OR1L6: variants seen among roughly 807,000 people sequenced by gnomAD.
The protein encoded by OR1L6 is olfactory receptor 1L6.
OR1L6 carries 2 observed loss-of-function variants against 3.0 expected under a neutral mutation model. The ratio of observed to expected loss-of-function variants is 0.68; its 90% confidence interval spans 0.28 to 2.13. The LOEUF (loss-of-function observed/expected upper bound fraction) is 2.13. OR1L6 is among the 30% of genes most tolerant of loss of function. The pLI, the probability that OR1L6 is intolerant of heterozygous loss-of-function variation, is 0.14. For missense variants in OR1L6, 304 were observed against 378.4 expected, an observed-to-expected ratio of 0.80 and a Z score of 1.63; for synonymous variants, 121 against 148.4, an observed-to-expected ratio of 0.82 and a Z score of 1.34.
chr9:122,742,500 T>C (rs563251167), intron 1 of OR1L6, 127 bp downstream of exon 1: 1 of 152,360 alleles, frequency 6.6e-6, no homozygotes, highest in East Asian at 1.9e-4. Context: ...AGTCTTTCTC[T>C]ATATTTTTTC....
chr9:122,748,117 G>A (rs1208925092), intron 1 of OR1L6, among the ~76,000 whole-genome samples: 1 of 152,054 alleles, frequency 6.6e-6, no homozygotes, highest in Admixed American at 6.6e-5. Flanking sequence ...TGGACCAAAC[G>A]CTTAAAATTA....
At chr9:122,744,106 G>A (rs1467604077) in intron 1 of OR1L6, among the ~76,000 whole-genome samples, 1 of 152,186 alleles carries the variant, frequency 6.6e-6, no homozygotes, top group Non-Finnish European at 1.5e-5. Flanking sequence ...TACTTCAAAC[G>A]TAGTGTAATT....
rs186127065 is a variant in OR1L6 at position 122,745,602 on chromosome 9, C to T, written c.-14+3229C>T. ...TAAGTTTTTGTATTTTTAGTAGAGA[C>T]GGGGTTTCACCGTGTTAGCCAGGAT... On this transcript the variant is annotated intron_variant, in intron 1 of 1. Coordinates refer to ENST00000304720, the MANE Select transcript of OR1L6 (RefSeq NM_001004453.3). 1.1e-3 allele frequency among the ~76,000 whole-genome samples: 167 copies of T among 151,616 alleles called. 1 individual carries two copies. Among genetic ancestry groups the T allele is most frequent in the African/African-American group, 3.9e-3 (162 of 41,374 alleles).
intron 1 of OR1L6, chr9:122,749,589 TC>T: frequency 1.9e-6 from 1 of 516,440 alleles, no homozygotes; most frequent in South Asian, 2.3e-5. Context: ...ATGCCTGTAG[TC>T]CCAGCTACTC....
At chr9:122,743,037 C>T (rs950138909) in intron 1 of OR1L6, among the ~76,000 whole-genome samples, 4 of 152,186 alleles carry the variant, frequency 2.6e-5, no homozygotes, top group African/African-American at 9.7e-5. Context: ...AACCTCATGA[C>T]ATCTGAGCAA....
At chr9:122,745,871 CTTT>C (rs1828831756) in intron 1 of OR1L6, among the ~76,000 whole-genome samples, 1 of 151,910 alleles carries the variant, frequency 6.6e-6, no homozygotes, top group Admixed American at 6.6e-5. Context: ...TGAGATTATT[CTTT>C]TTTTATTATT....
At chr9:122,743,879 T>C (rs916929725) in intron 1 of OR1L6, among the ~76,000 whole-genome samples, 4 of 152,164 alleles carry the variant, frequency 2.6e-5, no homozygotes, top group Non-Finnish European at 4.4e-5. Context: ...GCAAGGAGGC[T>C]GAAGGCACTT....
At chr9:122,744,073 C>T (rs6478571) in intron 1 of OR1L6, among the ~76,000 whole-genome samples, 147,303 of 152,310 alleles carry the variant, frequency 0.97, 71,463 homozygotes, top group East Asian at 1. Context: ...CAGTCTCCTT[C>T]GTTGTAAAGG....
In OR1L6 at chr9:122,749,929, C is replaced by G; in HGVS notation, c.82C>G (p.Leu28Val). The part of the protein sequence containing the change: ...LSSNPQLQKP[L>V]FAIFLIMYLL... ...TTCCAACCCTCAGCTGCAGAAACCT[C>G]TCTTTGCCATCTTCCTCATCATGTA... Residue 28 changes from leucine to valine, a missense_variant, in exon 2 of 2, where the codon CTC becomes GTC. Leu to Val is a conservative substitution (Grantham distance 32, BLOSUM62 1). This residue lies in a region of OR1L6 where 192 missense variants were observed against 242.7 expected (regional missense o/e 0.79). Transcript: ENST00000304720. 6.2e-7 allele frequency: 1 copy of G among 1,614,176 alleles called. No homozygotes were observed.
intron 1 of OR1L6, among the ~76,000 whole-genome samples, chr9:122,747,352 T>C (rs1219476320): frequency 3.3e-5 from 5 of 152,096 alleles, no homozygotes; most frequent in Admixed American, 3.3e-4. Context: ...TATTATGTAA[T>C]TTGATTGGGG....
chr9:122,747,524 A>G (rs1244838931), intron 1 of OR1L6, among the ~76,000 whole-genome samples: 2 of 152,072 alleles, frequency 1.3e-5, no homozygotes, highest in African/African-American at 4.8e-5. Context: ...TAATTTGAGA[A>G]GAATTAACAT....
chr9:122,750,732 C>T lies in OR1L6; in HGVS notation c.885C>T (p.Asn295=), dbSNP rs758814248. The T allele has an allele frequency of 6.2e-7, 1 of 1,612,236 alleles. No homozygotes were observed. The highest frequency in any genetic ancestry group is 8.5e-7 in the Non-Finnish European group (1 of 1,179,824). Residue 295 remains asparagine (N), a synonymous_variant, in exon 2 of 2, where the codon AAC becomes AAT. Transcript: ENST00000304720. ...ACCCTTTCATCTACAGCCTGAGGAA[C>T]AAAGATATGAAGAGGGGTTTGAAGA... ...MLNPFIYSLR[N]KDMKRGLKKL... is the part of the protein sequence containing the mutation.
chr9:122,742,519 C>T (rs1475179208), intron 1 of OR1L6, 146 bp downstream of exon 1: 8 of 152,186 alleles, frequency 5.3e-5, no homozygotes, highest in African/African-American at 1.9e-4. Context: ...TCCTCTCTCT[C>T]TTTTTGGTCA....
In OR1L6 at chr9:122,748,751, T is replaced by C. The variant is rs140117071; in HGVS notation, c.-13-1084T>C. On this transcript the variant is annotated intron_variant, in intron 1 of 1. Coordinates refer to ENST00000304720, the MANE Select transcript of OR1L6 (RefSeq NM_001004453.3). ...ACTCACAATGATCCTATGTATATAT[T>C]TGTGGCACCCACTTATGAGTGAGAA... Among the ~76,000 whole-genome samples the C allele has an allele frequency of 3.4e-4, 52 of 152,312 alleles. No individual in the cohort carries two copies. In the Middle Eastern group the frequency reaches 0.014, roughly 40 times the overall value.
At chr9:122,746,490 CTG>C (rs1245307322) in intron 1 of OR1L6, among the ~76,000 whole-genome samples, 1 of 152,112 alleles carries the variant, frequency 6.6e-6, no homozygotes, top group Non-Finnish European at 1.5e-5. Flanking sequence ...TGTGAATACT[CTG>C]TTTCCTCTGT....
intron 1 of OR1L6, among the ~76,000 whole-genome samples, chr9:122,746,859 A>G (rs928934913): frequency 2.0e-5 from 3 of 152,192 alleles, no homozygotes; most frequent in Non-Finnish European, 4.4e-5. Context: ...ACTGTGTTGC[A>G]AATATTTTCA....
intron 1 of OR1L6, among the ~76,000 whole-genome samples, chr9:122,747,362 G>A (rs1486332600): frequency 6.6e-6 from 1 of 151,876 alleles, no homozygotes. Context: ...TTTGATTGGG[G>A]TTAGAAAAGT....
At chr9:122,746,259 C>A (rs1281992896) in intron 1 of OR1L6, among the ~76,000 whole-genome samples, 2 of 152,186 alleles carry the variant, frequency 1.3e-5, no homozygotes, top group African/African-American at 2.4e-5. Context: ...AATTTTGCTA[C>A]ACTCTAAATT....
chr9:122,748,228 A>G (rs1828854778), intron 1 of OR1L6, among the ~76,000 whole-genome samples: 1 of 152,122 alleles, frequency 6.6e-6, no homozygotes, highest in Admixed American at 6.5e-5. Context: ...TCTGTGGACA[A>G]TAAGGAGCAT....
Sources: gnomAD v4.1 joint callset for allele counts (sites outside exome capture counted in the v4.1 genomes callset) on GRCh38, gnomAD v4.1.1 for gene constraint, gnomAD v4.1.1 regional missense constraint, MANE v1.5 for transcripts, NCBI Gene and HGNC (gene_info 2026-07-23, HGNC 2026-07-21) for gene names.